COMMD10: variants seen among roughly 807,000 people sequenced by gnomAD.
The protein encoded by COMMD10 is COMM domain containing 10, also known as COMM domain-containing protein 10.
In COMMD10, 33 loss-of-function variants were observed where a neutral mutation model predicts 28.9. The ratio of observed to expected loss-of-function variants is 1.14; its 90% CI spans 0.87 to 1.53. The LOEUF (loss-of-function observed/expected upper bound fraction) is 1.53, where lower values mean the gene tolerates loss of function less well. COMMD10 is among the 40% of genes most tolerant of loss of function. The pLI is 0.00. For missense variants in COMMD10, 310 were observed against 233.4 expected, an observed-to-expected ratio of 1.33 and a Z score of -2.14; for synonymous variants, 110 against 81.7, an observed-to-expected ratio of 1.35 and a Z score of -1.87.
At chr5:116,198,677 C>G (rs1350842974) in intron 5 of COMMD10, among the ~76,000 whole-genome samples, 3 of 152,140 alleles carry the variant, frequency 2.0e-5, no homozygotes, top group Non-Finnish European at 2.9e-5. Context: ...TCCTGTTTTA[C>G]ATTTTCAGAA....
intron 2 of COMMD10, among the ~76,000 whole-genome samples, chr5:116,088,427 A>G (rs2112706249): frequency 6.6e-6 from 1 of 152,296 alleles, no homozygotes; most frequent in Admixed American, 6.5e-5. Context: ...TCATAATACT[A>G]TGTAAATTAC....
At chr5:116,224,286 CTA>C (rs1447610689) in intron 5 of COMMD10, among the ~76,000 whole-genome samples, 2 of 152,164 alleles carry the variant, frequency 1.3e-5, no homozygotes, top group East Asian at 1.9e-4. Flanking sequence ...TTAGGAAACT[CTA>C]TGTAGATAGG....
At chr5:116,110,064 A>G (rs1309587231) in intron 4 of COMMD10, among the ~76,000 whole-genome samples, 4 of 152,102 alleles carry the variant, frequency 2.6e-5, no homozygotes, top group Admixed American at 2.6e-4. Context: ...CAGTTTGTTG[A>G]GAGTTTGTAT....
intron 5 of COMMD10, among the ~76,000 whole-genome samples, chr5:116,204,798 A>G (rs1289955913): frequency 2.0e-5 from 3 of 152,108 alleles, no homozygotes; most frequent in Non-Finnish European, 4.4e-5. Flanking sequence ...TTTACTGTGG[A>G]GGTCGTGGTA....
At chr5:116,147,363 C>T (rs891140878) in intron 5 of COMMD10, among the ~76,000 whole-genome samples, 14 of 151,806 alleles carry the variant, frequency 9.2e-5, no homozygotes, top group Admixed American at 7.2e-4. Context: ...TTGCTACCAG[C>T]ACAAAGAAGA....
chr5:116,283,655 T>C (rs1341346511), intron 5 of COMMD10, among the ~76,000 whole-genome samples: 2 of 151,768 alleles, frequency 1.3e-5, no homozygotes, highest in Non-Finnish European at 2.9e-5. Flanking sequence ...CCTGTTATTT[T>C]GAGGCCTGGC....
At chr5:116,270,987 A>G (rs1750738425) in intron 5 of COMMD10, among the ~76,000 whole-genome samples, 1 of 151,704 alleles carries the variant, frequency 6.6e-6, no homozygotes, top group African/African-American at 2.4e-5. Flanking sequence ...CACACCATTT[A>G]ACAATCTCAG....
At chr5:116,195,115 T>C (rs554377218) in intron 5 of COMMD10, among the ~76,000 whole-genome samples, 16 of 152,200 alleles carry the variant, frequency 1.1e-4, no homozygotes, top group African/African-American at 3.6e-4. Context: ...AAATCCAGCA[T>C]TCTTTATGAT....
chr5:116,115,823 A>G (rs1751215925), intron 4 of COMMD10, among the ~76,000 whole-genome samples: 1 of 152,202 alleles, frequency 6.6e-6, no homozygotes, highest in African/African-American at 2.4e-5. Flanking sequence ...TATATTTTCT[A>G]AAATATTTTT....
chr5:116,163,530 G>C (rs570649032), intron 5 of COMMD10, among the ~76,000 whole-genome samples: 3 of 151,566 alleles, frequency 2.0e-5, no homozygotes, highest in African/African-American at 7.3e-5. Context: ...TAGAGGTTTC[G>C]GTGAGCCAAG....
intron 5 of COMMD10, among the ~76,000 whole-genome samples, chr5:116,214,505 G>T (rs1043697684): frequency 5.9e-5 from 9 of 152,078 alleles, no homozygotes; most frequent in African/African-American, 2.2e-4. Flanking sequence ...TACCTTACTG[G>T]ATCTTAACCA....
chr5:116,099,816 G>A (rs1466295438), intron 4 of COMMD10, among the ~76,000 whole-genome samples: 1 of 152,030 alleles, frequency 6.6e-6, no homozygotes, highest in Non-Finnish European at 1.5e-5. Flanking sequence ...CTGCTATTGA[G>A]TTTGTGAGTT....
intron 5 of COMMD10, among the ~76,000 whole-genome samples, chr5:116,290,650 T>C (rs182246471): frequency 3.2e-4 from 49 of 152,060 alleles, no homozygotes; most frequent in Admixed American, 7.2e-4. Context: ...CTTTAGTTCA[T>C]GATGCCCATT....
At chr5:116,158,553 G>T (rs6878279) in intron 5 of COMMD10, among the ~76,000 whole-genome samples, 47,379 of 56,830 alleles carry the variant, frequency 0.83, 20,645 homozygotes, top group African/African-American at 0.93. Flanking sequence ...CATAGCTAAC[G>T]GCAGCCTTGA....
chr5:116,176,115 CTGTT>C (rs1248590837), intron 5 of COMMD10, among the ~76,000 whole-genome samples: 4 of 151,996 alleles, frequency 2.6e-5, no homozygotes, highest in Admixed American at 1.3e-4. Context: ...GACTTATTCA[CTGTT>C]TGTTTATTTG....
intron 5 of COMMD10, among the ~76,000 whole-genome samples, chr5:116,240,814 T>A (rs917656514): frequency 3.3e-5 from 5 of 152,210 alleles, no homozygotes; most frequent in African/African-American, 1.2e-4. Context: ...GATTTCGAAC[T>A]TGTAGCTATT....
chr5:116,122,699 C>A (rs1014668413), intron 4 of COMMD10, among the ~76,000 whole-genome samples: 1 of 152,166 alleles, frequency 6.6e-6, no homozygotes, highest in African/African-American at 2.4e-5. Flanking sequence ...TCCTTCACAT[C>A]CCTTGTAAGC....
At position 116,114,625 on chromosome 5, in the gene COMMD10, C is replaced by A. The variant is rs76032260; in HGVS notation, c.400-19443C>A. Among the ~76,000 whole-genome samples the A allele has an allele frequency of 5.6e-3, 852 of 152,258 alleles. 6 individuals carry two copies. Among genetic ancestry groups the A allele is most frequent in the Middle Eastern group, 0.014 (4 of 294 alleles). On this transcript the variant is annotated intron_variant, in intron 4 of 6. Coordinates refer to ENST00000274458, the MANE Select transcript of COMMD10 (RefSeq NM_016144.4). ...GCTGGGTAAATCTGGATTGGGAAAG[C>A]CTGGGCTTGTCCTATGAAATGCTTG...
rs139248674 is a variant in COMMD10 at position 116,152,541 on chromosome 5, C to G, written c.510+18363C>G. On this transcript the variant is annotated intron_variant, in intron 5 of 6. Coordinates refer to ENST00000274458, the MANE Select transcript of COMMD10 (RefSeq NM_016144.4). Reference sequence around the variant, plus strand: ...GGACTCAAAAGTCTACAAATAGCCTCAAAACACCCCATTGAGGCAAGCATA... The same window carrying G: ...GGACTCAAAAGTCTACAAATAGCCTGAAAACACCCCATTGAGGCAAGCATA... Among the ~76,000 whole-genome samples, 786 of 151,632 alleles carry G rather than the reference C, an allele frequency of 5.2e-3. 2 individuals carry two copies. Among genetic ancestry groups the G allele is most frequent in the Non-Finnish European group, 9.0e-3 (615 of 67,972 alleles).
Sources: gnomAD v4.1 joint callset for allele counts (sites outside exome capture counted in the v4.1 genomes callset) on GRCh38, gnomAD v4.1.1 for gene constraint, MANE v1.5 for transcripts, NCBI Gene and HGNC (gene_info 2026-07-23, HGNC 2026-07-21) for gene names.